The following CAMTA1 variants were observed in gnomAD, a reference collection of about 807,000 sequenced individuals.
CAMTA1 encodes the protein calmodulin-binding transcription activator 1.
A neutral mutation model predicts 170.9 loss-of-function variants in CAMTA1; 27 were observed. The observed-to-expected ratio is 0.16, with a 90% confidence interval of 0.12 to 0.22. CAMTA1 has a LOEUF of 0.22. CAMTA1 is among the 10% of genes least tolerant of loss of function. CAMTA1 has a pLI of 1.00. For missense variants in CAMTA1, 1,619 were observed against 2,217.2 expected, an observed-to-expected ratio of 0.73 and a Z score of 5.42; for synonymous variants, 833 against 891.5, an observed-to-expected ratio of 0.93 and a Z score of 1.17.
intron 5 of CAMTA1, among the ~76,000 whole-genome samples, chr1:7,419,292 ATT>A (rs2091404510): frequency 1.3e-5 from 2 of 152,306 alleles, no homozygotes; most frequent in South Asian, 4.1e-4. Context: ...AGTAGCTGGG[ATT>A]ACAGGCATCT....
intron 5 of CAMTA1, among the ~76,000 whole-genome samples, chr1:7,268,207 T>C (rs938567253): frequency 2.6e-5 from 4 of 151,776 alleles, no homozygotes; most frequent in African/African-American, 7.3e-5. Flanking sequence ...CAACTAGAGT[T>C]TGGGGAGGCT....
Position 7,289,108 on chromosome 1 carries a change from A to G in CAMTA1, c.438+39482A>G, listed in dbSNP as rs536894827. 5.9e-5 allele frequency among the ~76,000 whole-genome samples: 9 copies of G among 152,204 alleles called. No individual in the cohort carries two copies. In the South Asian group the frequency reaches 1.9e-3, roughly 32 times the overall value. ...GAGGGAGGTGCCACACGTTTAAACA[A>G]TCAGATCTCATGAGAACTCACTCGC... On this transcript the variant is annotated intron_variant, in intron 5 of 22. Coordinates refer to ENST00000303635, the MANE Select transcript of CAMTA1 (RefSeq NM_015215.4).
intron 6 of CAMTA1, among the ~76,000 whole-genome samples, chr1:7,549,948 G>C (rs532480923): frequency 6.6e-6 from 1 of 152,230 alleles, no homozygotes; most frequent in East Asian, 1.9e-4. Flanking sequence ...AGGAACATAA[G>C]AGACAGAGGT....
At chr1:7,429,239 G>C (rs1203156290) in intron 5 of CAMTA1, among the ~76,000 whole-genome samples, 1 of 152,198 alleles carries the variant, frequency 6.6e-6, no homozygotes, top group Non-Finnish European at 1.5e-5. Context: ...ACCTCATATG[G>C]TGGTTGCGAG....
intron 3 of CAMTA1, among the ~76,000 whole-genome samples, chr1:6,983,334 C>T (rs1046167633): frequency 9.2e-5 from 14 of 152,220 alleles, no homozygotes; most frequent in Non-Finnish European, 1.6e-4. Context: ...CACTACGTTC[C>T]AGCTATACTG....
chr1:7,394,392 T>C (rs2089060268), intron 5 of CAMTA1, among the ~76,000 whole-genome samples: 1 of 152,208 alleles, frequency 6.6e-6, no homozygotes, highest in Admixed American at 6.5e-5. Flanking sequence ...CTAATTGGGG[T>C]AAGGTGATAT....
chr1:7,664,938 G>A lies in CAMTA1; in HGVS notation c.2391G>A (p.Ser797=), dbSNP rs61742693. ...SSTIYGHQLV[S]GDSTALSQSE... ...CCATCTATGGGCACCAGCTGGTGTCGGGGGACAGCACGGCGCTCTCACAGT... is the reference window on the plus strand; with the variant it reads ...CCATCTATGGGCACCAGCTGGTGTCAGGGGACAGCACGGCGCTCTCACAGT... The change falls in exon 9 of 23, where the codon TCG becomes TCA. Residue 797 remains serine, a synonymous_variant. Transcript: ENST00000303635. 2,967 of 1,613,072 alleles carry A rather than the reference G, an allele frequency of 1.8e-3. 53 individuals carry two copies. In the African/African-American group the frequency reaches 0.035, roughly 19 times the overall value.
At chr1:7,291,914 G>A (rs1282624488) in intron 5 of CAMTA1, among the ~76,000 whole-genome samples, 4 of 152,206 alleles carry the variant, frequency 2.6e-5, no homozygotes, top group Non-Finnish European at 5.9e-5. Context: ...GTTTTGACTG[G>A]GCTCTGTAAA....
chr1:6,830,805 T>C (rs1649685950), intron 3 of CAMTA1, among the ~76,000 whole-genome samples: 2 of 151,748 alleles, frequency 1.3e-5, no homozygotes, highest in Non-Finnish European at 2.9e-5. Flanking sequence ...GAGAGAGTAT[T>C]TTTTTGTTTG....
intron 4 of CAMTA1, among the ~76,000 whole-genome samples, chr1:7,138,597 T>G (rs1012076955): frequency 6.6e-6 from 1 of 152,266 alleles, no homozygotes; most frequent in African/African-American, 2.4e-5. Flanking sequence ...GATGATGTTG[T>G]GGGCATCATT....
At chr1:6,802,404 C>G (rs979302831) in intron 1 of CAMTA1, among the ~76,000 whole-genome samples, 4 of 151,996 alleles carry the variant, frequency 2.6e-5, no homozygotes, top group Admixed American at 6.5e-5. Context: ...TCATCTCACT[C>G]TGGTCGACTA....
intron 5 of CAMTA1, among the ~76,000 whole-genome samples, chr1:7,311,931 T>C (rs1224535822): frequency 1.3e-5 from 2 of 152,232 alleles, no homozygotes; most frequent in Non-Finnish European, 2.9e-5. Flanking sequence ...GTCTTTGGCA[T>C]GCTGTTAGCA....
intron 21 of CAMTA1, among the ~76,000 whole-genome samples, chr1:7,754,414 A>G (rs564534833): frequency 6.6e-6 from 1 of 152,338 alleles, no homozygotes; most frequent in South Asian, 2.1e-4. Context: ...AAAATTGCAT[A>G]AAGTCCTACA....
At chr1:6,869,903 A>G (rs566704705) in intron 3 of CAMTA1, among the ~76,000 whole-genome samples, 34 of 152,150 alleles carry the variant, frequency 2.2e-4, no homozygotes, top group Non-Finnish European at 4.6e-4. Context: ...TTGGGCTAAC[A>G]TTTTTTAGTG....
chr1:7,417,333 G>T (rs962233111), intron 5 of CAMTA1, among the ~76,000 whole-genome samples: 1 of 152,276 alleles, frequency 6.6e-6, no homozygotes, highest in Non-Finnish European at 1.5e-5. Flanking sequence ...GTCTGCAGAG[G>T]TTACTGCTAT....
At chr1:6,838,828 C>T (rs1458823047) in intron 3 of CAMTA1, among the ~76,000 whole-genome samples, 2 of 152,150 alleles carry the variant, frequency 1.3e-5, no homozygotes, top group African/African-American at 4.8e-5. Context: ...GCGATTATAG[C>T]TCACTGCAGC....
At chr1:7,193,642 C>G (rs972481733) in intron 4 of CAMTA1, among the ~76,000 whole-genome samples, 1 of 152,102 alleles carries the variant, frequency 6.6e-6, no homozygotes, top group African/African-American at 2.4e-5. Context: ...CATGTGCCCA[C>G]CTGCAGAAGG....
intron 5 of CAMTA1, among the ~76,000 whole-genome samples, chr1:7,344,279 C>T (rs1316122137): frequency 2.0e-5 from 3 of 152,204 alleles, no homozygotes; most frequent in Non-Finnish European, 4.4e-5. Flanking sequence ...CATAGCAGCT[C>T]AGGGCTCCCA....
At position 7,732,008 on chromosome 1, in the gene CAMTA1, T is replaced by A. The variant is rs2096737161; in HGVS notation, c.2915-440T>A. ...AAAAACTCAGTGTTTTGGTAAAAGA[T>A]ATACTACCTTTTTTTTTTTTTGTCT... On this transcript the variant is annotated intron_variant, in intron 11 of 22. Transcript: ENST00000303635. The surrounding 1 kb of genome is among the most constrained non-coding windows in gnomAD (Gnocchi z 4.1). 6.8e-6 allele frequency among the ~76,000 whole-genome samples: 1 copy of A among 146,580 alleles called. No homozygotes were observed. The highest frequency in any genetic ancestry group is 2.5e-5 in the African/African-American group (1 of 40,310).
Sources: gnomAD v4.1 joint callset for allele counts (sites outside exome capture counted in the v4.1 genomes callset) on GRCh38, gnomAD v4.1.1 for gene constraint, Gnocchi (gnomAD v3.1) non-coding constraint, MANE v1.5 for transcripts, NCBI Gene and HGNC (gene_info 2026-07-23, HGNC 2026-07-21) for gene names.